The following EPB41L3 variants were observed in gnomAD, a reference collection of about 807,000 sequenced individuals.
EPB41L3 encodes band 4.1-like protein 3.
A neutral mutation model predicts 127.1 loss-of-function variants in EPB41L3; 57 were observed. The observed-to-expected ratio is 0.45, with a 90% CI of 0.36 to 0.56. The LOEUF (loss-of-function observed/expected upper bound fraction) is 0.56. EPB41L3 is among the 20% of genes least tolerant of loss of function. EPB41L3 has a pLI of 0.00. For synonymous variants in EPB41L3, 572 were observed against 549.5 expected (o/e 1.04, Z -0.57); for missense variants, 1,273 against 1,372.2 (o/e 0.93, Z 1.14).
At chr18:5,438,433 G>A (rs2080188014) in intron 5 of EPB41L3, among the ~76,000 whole-genome samples, 1 of 152,166 alleles carries the variant, frequency 6.6e-6, no homozygotes, top group Admixed American at 6.5e-5. Flanking sequence ...TCTTCAATCA[G>A]ATAAGTCTGG....
chr18:5,421,136 A>G (rs2077421714), intron 11 of EPB41L3, among the ~76,000 whole-genome samples: 1 of 152,172 alleles, frequency 6.6e-6, no homozygotes, highest in African/African-American at 2.4e-5. Flanking sequence ...ACATACTAAC[A>G]TCACTTTTGG....
intron 3 of EPB41L3, among the ~76,000 whole-genome samples, chr18:5,593,202 A>AC (rs1325962305): frequency 1.8e-5 from 1 of 56,494 alleles, no homozygotes; most frequent in African/African-American, 7.0e-5. Context: ...CCTCACCCCC[A>AC]CCCCCCTGTC....
chr18:5,572,271 G>C, intron 3 of EPB41L3, among the ~76,000 whole-genome samples: 1 of 152,100 alleles, frequency 6.6e-6, no homozygotes, highest in East Asian at 1.9e-4. Context: ...TCACTGCTAG[G>C]AATCTAAGAG....
intron 3 of EPB41L3, among the ~76,000 whole-genome samples, chr18:5,551,529 A>G (rs1598918807): frequency 6.6e-6 from 1 of 152,130 alleles, no homozygotes; most frequent in African/African-American, 2.4e-5. Context: ...GTTTGAGTCC[A>G]GCTTGGGCAA....
upstream of EPB41L3, among the ~76,000 whole-genome samples, chr18:5,545,532 C>T (rs1268591004): frequency 6.6e-6 from 1 of 152,160 alleles, no homozygotes; most frequent in Non-Finnish European, 1.5e-5. Flanking sequence ...ATTATAGTTA[C>T]TATGTTGCTA....
intron 1 of EPB41L3, among the ~76,000 whole-genome samples, chr18:5,495,961 G>GC (rs1179799304): frequency 6.6e-6 from 1 of 152,224 alleles, no homozygotes; most frequent in Non-Finnish European, 1.5e-5. Context: ...CTGAGGGCAG[G>GC]CAGCCGCCAG....
chr18:5,531,211 T>C (rs986456792), intron 1 of EPB41L3, among the ~76,000 whole-genome samples: 11 of 152,202 alleles, frequency 7.2e-5, no homozygotes, highest in Admixed American at 1.3e-4. Context: ...ACTGATGTGT[T>C]TTAGTCAAAT....
intron 5 of EPB41L3, among the ~76,000 whole-genome samples, chr18:5,440,070 G>A (rs1423625997): frequency 2.0e-5 from 3 of 152,244 alleles, no homozygotes; most frequent in South Asian, 2.1e-4. Context: ...ATAGTGAGCC[G>A]AAGAAATACC....
At chr18:5,505,033 A>G (rs1346599797) in intron 1 of EPB41L3, among the ~76,000 whole-genome samples, 1 of 152,118 alleles carries the variant, frequency 6.6e-6, no homozygotes, top group African/African-American at 2.4e-5. Context: ...GTCTTGCCCA[A>G]GTTCCCTCTG....
chr18:5,545,774 T>C (rs1382589896), upstream of EPB41L3, among the ~76,000 whole-genome samples: 1 of 152,086 alleles, frequency 6.6e-6, no homozygotes, highest in Non-Finnish European at 1.5e-5. Flanking sequence ...ACAGTTCCAA[T>C]AGTGGATGTT....
chr18:5,615,369 A>G (rs1372295156), intron 1 of EPB41L3, among the ~76,000 whole-genome samples: 1 of 151,832 alleles, frequency 6.6e-6, no homozygotes, highest in Non-Finnish European at 1.5e-5. Flanking sequence ...TTATCTCTTT[A>G]TTTTAATTTT....
chr18:5,618,531 A>G (rs1444173277), intron 1 of EPB41L3, among the ~76,000 whole-genome samples: 1 of 152,220 alleles, frequency 6.6e-6, no homozygotes, highest in African/African-American at 2.4e-5. Context: ...ATTTCAGTGG[A>G]AAAACAAAAG....
intron 1 of EPB41L3, among the ~76,000 whole-genome samples, chr18:5,503,652 T>C (rs779146868): frequency 2.0e-5 from 3 of 152,238 alleles, no homozygotes; most frequent in Non-Finnish European, 2.9e-5. Flanking sequence ...AATAGCTGCA[T>C]TTGAAGACAG....
intron 1 of EPB41L3, among the ~76,000 whole-genome samples, chr18:5,497,124 G>A (rs1241173279): frequency 1.3e-5 from 2 of 152,188 alleles, no homozygotes; most frequent in Non-Finnish European, 2.9e-5. Flanking sequence ...CTTGGGCAAG[G>A]AATGAAAAGA....
In EPB41L3 at chr18:5,415,901, G is replaced by C; in HGVS notation, c.1984C>G (p.Leu662Val). ...YALTLSFPLA[L>V]CLCYLEPKAA... ...TTGGGCTCCAGGTAGCAGAGGCACA[G>C]AGCCAGAGGGAAGGAGAGAGTGAGA... Residue 662 changes from leucine to valine, a missense_variant, in exon 13 of 23, where the codon CTG becomes GTG. By Grantham distance (32) the Leu-to-Val change is conservative (BLOSUM62 1). This residue lies in a region of EPB41L3 where 765 missense variants were observed against 782.9 expected (regional missense o/e 0.98). Coordinates refer to ENST00000341928, the MANE Select transcript of EPB41L3 (RefSeq NM_012307.5). 5 of 1,613,968 alleles carry C rather than the reference G, an allele frequency of 3.1e-6. No individual in the cohort carries two copies. The highest frequency in any genetic ancestry group is 4.2e-6 in the Non-Finnish European group (5 of 1,179,994).
chr18:5,499,243 A>G (rs1025943626), intron 1 of EPB41L3, among the ~76,000 whole-genome samples: 12 of 152,128 alleles, frequency 7.9e-5, no homozygotes, highest in Non-Finnish European at 1.5e-4. Context: ...CAGCATCAAG[A>G]ATTAAATCTG....
chr18:5,491,969 C>T (rs1163803057), intron 1 of EPB41L3, among the ~76,000 whole-genome samples: 1 of 152,110 alleles, frequency 6.6e-6, no homozygotes, highest in East Asian at 1.9e-4. Flanking sequence ...CACCCATATA[C>T]CAATGTAAGC....
At chr18:5,567,941 A>G (rs912021745) in intron 3 of EPB41L3, among the ~76,000 whole-genome samples, 1 of 152,200 alleles carries the variant, frequency 6.6e-6, no homozygotes, top group African/African-American at 2.4e-5. Context: ...GAAAAATTAA[A>G]TTTAAATTTA....
intron 1 of EPB41L3, among the ~76,000 whole-genome samples, chr18:5,627,773 C>G (rs2094938185): frequency 6.6e-6 from 1 of 152,192 alleles, no homozygotes; most frequent in South Asian, 2.1e-4. Flanking sequence ...CCACTAAGAG[C>G]TGTATTTCCA....
Sources: allele counts gnomAD v4.1 joint callset (sites outside exome capture counted in the v4.1 genomes callset), GRCh38; gene constraint gnomAD v4.1.1; regional missense constraint gnomAD v4.1.1; transcripts MANE v1.5; gene names NCBI Gene and HGNC (gene_info 2026-07-23, HGNC 2026-07-21).